The following STK10 variants were observed in gnomAD, a reference collection of about 807,000 sequenced individuals.
STK10 encodes the protein serine/threonine kinase 10.
A neutral mutation model predicts 113.8 loss-of-function variants in STK10; 78 were observed. That is an observed-to-expected ratio of 0.69 (90% CI 0.57 to 0.83). The LOEUF (loss-of-function observed/expected upper bound fraction) is 0.83, where lower values mean the gene tolerates loss of function less well. Among genes scored for constraint, STK10 ranks in the 40% least tolerant of loss-of-function variants. STK10 has a pLI of 0.00. For synonymous variants in STK10, 465 were observed against 494.7 expected (o/e 0.94, Z 0.80); for missense variants, 1,109 against 1,280.1 (o/e 0.87, Z 2.04).
chr5:172,096,092 T>G (rs780148241), intron 8 of STK10, among the ~76,000 whole-genome samples: 13 of 152,082 alleles, frequency 8.5e-5, no homozygotes, highest in Non-Finnish European at 1.8e-4. Context: ...CTAAAAACAG[T>G]CTCATTTGGT....
At chr5:172,118,897 A>AAAAAAAAAAT in intron 3 of STK10, among the ~76,000 whole-genome samples, 3 of 149,534 alleles carry the variant, frequency 2.0e-5, no homozygotes, top group Non-Finnish European at 3.0e-5. Context: ...AAAAAAAAAA[A>AAAAAAAAAAT]GTGTCCACTG....
chr5:172,049,675 T>C (rs1006166224), intron 18 of STK10, among the ~76,000 whole-genome samples: 7 of 152,196 alleles, frequency 4.6e-5, no homozygotes, highest in African/African-American at 7.2e-5. Context: ...TTTTTCATTG[T>C]TTTGATATTG....
At chr5:172,165,886 C>T (rs1057001236) in intron 1 of STK10, among the ~76,000 whole-genome samples, 29 of 152,056 alleles carry the variant, frequency 1.9e-4, no homozygotes, top group Non-Finnish European at 3.4e-4. Context: ...CTCCACCTCC[C>T]GGATTCAAGT....
chr5:172,107,898 G>A (rs1769151465), intron 4 of STK10, 46 bp from the exon 5 acceptor site: 1 of 1,576,816 alleles, frequency 6.3e-7, no homozygotes, highest in Non-Finnish European at 8.7e-7. Context: ...ATAGCCCTGG[G>A]GTAAAAGCCG....
intron 1 of STK10, among the ~76,000 whole-genome samples, chr5:172,179,621 C>T (rs944963261): frequency 6.6e-6 from 1 of 151,758 alleles, no homozygotes; most frequent in Non-Finnish European, 1.5e-5. Context: ...ACGCAGAAGC[C>T]GAAGGGCGTC....
intron 2 of STK10, among the ~76,000 whole-genome samples, chr5:172,147,330 G>A (rs1177774083): frequency 6.6e-6 from 1 of 151,360 alleles, no homozygotes; most frequent in African/African-American, 2.4e-5. Flanking sequence ...GTACAGAGAC[G>A]TGATTGGAAA....
chr5:172,085,638 G>T (rs918149803), intron 10 of STK10, among the ~76,000 whole-genome samples: 1 of 147,246 alleles, frequency 6.8e-6, no homozygotes, highest in African/African-American at 2.5e-5. Flanking sequence ...GTAGTGAGCC[G>T]AGATCACACC....
Position 172,145,474 on chromosome 5 carries a change from C to G in STK10, c.321+11150G>C, listed in dbSNP as rs561258364. ...GTGGGGCAGTGTGGGGCGGTGGCCA[C>G]TGCAGGCAGAGCACGCGCTGGCCCG... On this transcript the variant is annotated intron_variant, in intron 2 of 18. Coordinates refer to ENST00000176763, the MANE Select transcript of STK10 (RefSeq NM_005990.4). 4.6e-5 allele frequency among the ~76,000 whole-genome samples: 7 copies of G among 152,370 alleles called. No individual in the cohort carries two copies. The East Asian group carries it at 1.3e-3, about 29-fold the overall frequency.
intron 8 of STK10, 119 bp from the exon 9 acceptor site, chr5:172,094,079 G>C (rs1195290208): frequency 1.4e-6 from 1 of 716,168 alleles, no homozygotes; most frequent in East Asian, 3.2e-5. Context: ...CGCCAAGAAA[G>C]GAGAGCAGAT....
chr5:172,106,820 C>G lies in STK10; in HGVS notation c.594-6G>C. 2.5e-6 allele frequency: 4 copies of G among 1,613,142 alleles called. No individual in the cohort carries two copies. Among genetic ancestry groups the G allele is most frequent in the Non-Finnish European group, 3.4e-6 (4 of 1,179,338 alleles). On this transcript the variant is annotated splice_region_variant and splice_polypyrimidine_tract_variant and intron_variant, in intron 5 of 18. Transcript: ENST00000176763. ...TGACCACCTCGGGGGCCATCCTGAA[C>G]CAACCAAGGGACAACATAGGGCTAA...
At position 172,057,150 on chromosome 5, in the gene STK10, C is replaced by G. The variant is rs1767823728; in HGVS notation, c.2337+199G>C. ...CCATTGGCTTCCCTGCATCGTTTCCCCTATTCCTAGCCCCTTGAGCTGAAG... is the reference window on the plus strand; with the variant it reads ...CCATTGGCTTCCCTGCATCGTTTCCGCTATTCCTAGCCCCTTGAGCTGAAG... On this transcript the variant is annotated intron_variant, in intron 15 of 18. Transcript: ENST00000176763. 30 of 651,848 alleles carry G rather than the reference C, an allele frequency of 4.6e-5. No homozygotes were observed. The South Asian group carries it at 5.8e-4, about 13-fold the overall frequency. 40.4% of individuals were successfully genotyped at this position (651,848 alleles called of 1,614,324 possible). A position where few individuals can be genotyped will look rare whatever the true frequency, so the allele number is the denominator to read the frequency against.
intron 13 of STK10, among the ~76,000 whole-genome samples, chr5:172,062,008 C>T (rs368153638): frequency 3.4e-5 from 5 of 149,082 alleles, no homozygotes; most frequent in African/African-American, 1.0e-4. Flanking sequence ...GAGAGAGTCT[C>T]GCTCTGTCAC....
intron 7 of STK10, among the ~76,000 whole-genome samples, chr5:172,101,547 GGACC>G (rs2113757583): frequency 6.6e-6 from 1 of 152,236 alleles, no homozygotes; most frequent in Admixed American, 6.5e-5. Context: ...ACTGTTCCTG[GGACC>G]TATCAGCGAA....
intron 7 of STK10, among the ~76,000 whole-genome samples, chr5:172,104,138 G>T (rs78996364): frequency 0.1 from 15,199 of 152,278 alleles, 868 homozygotes; most frequent in East Asian, 0.13. Context: ...CTGGTGTGGC[G>T]CCTTCCTCCC....
chr5:172,093,233 C>T lies in STK10; in HGVS notation c.1554+179G>A, dbSNP rs576703848. ...AAACCCAAACCAACTGCTTTACATT[C>T]CTAAATCCCATATTGAACCCAGATA... On this transcript the variant is annotated intron_variant, in intron 9 of 18. Coordinates refer to ENST00000176763, the MANE Select transcript of STK10 (RefSeq NM_005990.4). This position sits in a 1 kb window ranked among gnomAD's most constrained non-coding sequence, Gnocchi z 4.1. Among the ~76,000 whole-genome samples, 5 of 152,354 alleles carry T rather than the reference C, an allele frequency of 3.3e-5. No homozygotes were observed. Among genetic ancestry groups the T allele is most frequent in the African/African-American group, 1.2e-4 (5 of 41,584 alleles).
rs550857308 is a variant in STK10, at chr5:172,117,362, G to A, written c.520+119C>T. On this transcript the variant is annotated intron_variant, in intron 4 of 18. Coordinates refer to ENST00000176763, the MANE Select transcript of STK10 (RefSeq NM_005990.4). ...AGAACTGCTGACATGCCAAGAGGGC[G>A]TAGGCGTGAGGACCCCACACCCCCA... 54 of 1,139,020 alleles carry A rather than the reference G, an allele frequency of 4.7e-5. No homozygotes were observed. In the South Asian group the frequency reaches 4.8e-4, roughly 10 times the overall value. 70.6% of individuals were successfully genotyped at this position (1,139,020 alleles called of 1,614,324 possible). A position where few individuals can be genotyped will look rare whatever the true frequency, so the allele number is the denominator to read the frequency against.
At chr5:172,086,870 G>A (rs78654159) in intron 10 of STK10, among the ~76,000 whole-genome samples, 15,605 of 152,226 alleles carry the variant, frequency 0.1, 874 homozygotes, top group East Asian at 0.13. Context: ...GCTCTGCTCA[G>A]GAGGAGGGTG....
chr5:172,178,108 G>A (rs968560179), intron 1 of STK10, among the ~76,000 whole-genome samples: 8 of 152,326 alleles, frequency 5.3e-5, no homozygotes, highest in African/African-American at 1.7e-4. Context: ...GATTACAGGT[G>A]TGAGCCACCG....
chr5:172,064,692 C>T lies in STK10; in HGVS notation c.2082+28G>A, dbSNP rs769104098. Reference sequence around the variant, plus strand: ...ATTCCAGGTCTCGCACCAGCCCCTGCGCTCCCCAGCTGAGGCCAGGGACTC... The same window carrying T: ...ATTCCAGGTCTCGCACCAGCCCCTGTGCTCCCCAGCTGAGGCCAGGGACTC... On this transcript the variant is annotated intron_variant, in intron 13 of 18. Transcript: ENST00000176763. 1.9e-5 allele frequency: 31 copies of T among 1,610,440 alleles called. No homozygotes were observed. In the South Asian group the frequency reaches 2.0e-4, roughly 10 times the overall value.
Sources: gnomAD v4.1 joint callset for allele counts (sites outside exome capture counted in the v4.1 genomes callset) on GRCh38, gnomAD v4.1.1 for gene constraint, Gnocchi (gnomAD v3.1) non-coding constraint, MANE v1.5 for transcripts, NCBI Gene and HGNC (gene_info 2026-07-23, HGNC 2026-07-21) for gene names.